Variants in RABL2A observed in about 807,000 individuals in gnomAD.
RABL2A encodes the protein rab-like protein 2A.
Under a neutral mutation model 30.7 loss-of-function variants are expected in RABL2A, and 17 were observed. The ratio of observed to expected loss-of-function variants is 0.55; its 90% confidence interval spans 0.38 to 0.83. The LOEUF is 0.83. Among genes scored for constraint, RABL2A ranks in the 40% least tolerant of loss-of-function variants. RABL2A has a pLI of 0.00. For missense variants in RABL2A, 155 were observed against 272.6 expected, an observed-to-expected ratio of 0.57 and a Z score of 3.04; for synonymous variants, 64 against 101.8, an observed-to-expected ratio of 0.63 and a Z score of 2.24.
In RABL2A at chr2:113,641,447, G is replaced by A. The variant is rs1410832350; in HGVS notation, c.504G>A (p.Val168=). The part of the protein sequence containing the change: ...FVSAADGTNV[V]KLFNDAIRLA... ...CGGCTGCTGATGGTACCAATGTTGT[G>A]AAGGTGTGGTTGACTGCAGAGGTAG... The change falls in exon 7 of 9, where the codon GTG becomes GTA. Residue 168 remains valine (V), a synonymous_variant. Coordinates refer to ENST00000683472, the MANE Select transcript of RABL2A (RefSeq NM_001306158.2). 6.2e-7 allele frequency: 1 copy of A among 1,612,444 alleles called. No individual in the cohort carries two copies. The highest frequency in any genetic ancestry group is 1.7e-5 in the Admixed American group (1 of 59,884).
At chr2:113,630,911 T>C (rs931163274) in intron 2 of RABL2A, among the ~76,000 whole-genome samples, 3 of 152,026 alleles carry the variant, frequency 2.0e-5, no homozygotes, top group Admixed American at 6.6e-5. Flanking sequence ...TTTTGGTTTT[T>C]TTTTGAGACA....
chr2:113,634,593 A>C (rs984243718), intron 4 of RABL2A: 44 of 420,902 alleles, frequency 1.0e-4, no homozygotes, highest in Non-Finnish European at 1.8e-4. Context: ...TTGAAAAAAT[A>C]AATGTGGTCA....
intron 5 of RABL2A, chr2:113,638,197 G>T (rs1487267842): frequency 1.0e-6 from 1 of 985,450 alleles, no homozygotes; most frequent in Non-Finnish European, 1.2e-6. Flanking sequence ...GGGAATTCAA[G>T]ACAACCTGGT....
At chr2:113,637,007 A>AAT (rs1559181693) in intron 5 of RABL2A, among the ~76,000 whole-genome samples, 12 of 139,822 alleles carry the variant, frequency 8.6e-5, no homozygotes, top group African/African-American at 3.2e-4. Context: ...TAAAAAAATA[A>AAT]AAAAATAAAG....
At chr2:113,637,300 C>G in intron 5 of RABL2A, 1 of 951,038 alleles carries the variant, frequency 1.1e-6, no homozygotes, top group Non-Finnish European at 1.3e-6. Flanking sequence ...ATTTTTCAGG[C>G]CCTGCTTCAA....
Position 113,637,324 on chromosome 2 carries a change from G to T in RABL2A, c.297+2194G>T, listed in dbSNP as rs533337853. 8.0e-6 allele frequency: 8 copies of T among 996,072 alleles called. No homozygotes were observed. The East Asian group carries it at 7.2e-4, about 89-fold the overall frequency. The allele number at this position is 996,072 out of a possible 1,614,324, so 61.7% of individuals were successfully genotyped here. On this transcript the variant is annotated intron_variant, in intron 5 of 8. Transcript: ENST00000683472. ...GCCCTGCTTCAATGCCACCACCTCC[G>T]TGCAGCCTCCTCTGATGTTTGTCAT... is the stretch of plus-strand genomic sequence containing the variant.
chr2:113,641,289 T>C (rs1182280854), intron 6 of RABL2A, 64 bp from the exon 7 acceptor site: 13 of 1,609,238 alleles, frequency 8.1e-6, no homozygotes, highest in Admixed American at 1.7e-5. Context: ...AGGCCTCCAG[T>C]GGCCCCCCCT....
At chr2:113,632,566 G>C (rs1241427101) in intron 2 of RABL2A, among the ~76,000 whole-genome samples, 2 of 152,208 alleles carry the variant, frequency 1.3e-5, no homozygotes, top group East Asian at 3.8e-4. Context: ...GCGCCCGACC[G>C]GGAAATGGCT....
intron 5 of RABL2A, chr2:113,637,374 C>T (rs1683312009): frequency 1.9e-6 from 2 of 1,028,690 alleles, no homozygotes; most frequent in African/African-American, 1.7e-5. Context: ...CGTGTGTGCT[C>T]CTGCACCACT....
chr2:113,634,279 A>G, intron 4 of RABL2A, 47 bp downstream of exon 4: 1 of 1,571,492 alleles, frequency 6.4e-7, no homozygotes. Context: ...GAAAGAGGAA[A>G]TGGGAGACGA....
chr2:113,636,467 G>C (rs1682773088), intron 5 of RABL2A, among the ~76,000 whole-genome samples: 1 of 152,208 alleles, frequency 6.6e-6, no homozygotes, highest in Non-Finnish European at 1.5e-5. Context: ...GGGCTGATTT[G>C]GGTTTGCTCA....
chr2:113,632,869 G>C, intron 2 of RABL2A, 46 bp from the exon 3 acceptor site: 1 of 1,614,066 alleles, frequency 6.2e-7, no homozygotes, highest in East Asian at 2.2e-5. Context: ...TGGGACAAGG[G>C]AGAGATGGAG....
chr2:113,637,141 GTCATC>G (rs1363966182), intron 5 of RABL2A, among the ~76,000 whole-genome samples: 3 of 152,230 alleles, frequency 2.0e-5, no homozygotes, highest in Non-Finnish European at 2.9e-5. Context: ...CTGAGTAGGT[GTCATC>G]TCATCTGTAA....
intron 2 of RABL2A, among the ~76,000 whole-genome samples, chr2:113,629,124 C>A (rs996823420): frequency 1.3e-5 from 2 of 148,982 alleles, no homozygotes; most frequent in Non-Finnish European, 3.0e-5. Context: ...GTAGAACTGA[C>A]GATTGACTAT....
At chr2:113,637,853 C>G (rs1186721615) in intron 5 of RABL2A, 18 of 1,269,994 alleles carry the variant, frequency 1.4e-5, no homozygotes, top group Non-Finnish European at 1.9e-5. Context: ...CCCTCAGACC[C>G]TCTTCTGAAG....
chr2:113,636,527 G>A (rs1682790131), intron 5 of RABL2A, among the ~76,000 whole-genome samples: 1 of 152,138 alleles, frequency 6.6e-6, no homozygotes, highest in Admixed American at 6.6e-5. Context: ...AGAACCCGGT[G>A]GGACTTATAT....
chr2:113,637,171 G>C (rs1683209534), intron 5 of RABL2A: 1 of 161,200 alleles, frequency 6.2e-6, no homozygotes, highest in Non-Finnish European at 1.3e-5. Context: ...CAATAGCAGA[G>C]GGGATGCAGA....
intron 5 of RABL2A, chr2:113,637,664 G>A (rs1683443096): frequency 7.8e-7 from 1 of 1,284,262 alleles, no homozygotes; most frequent in Admixed American, 2.4e-5. Flanking sequence ...CTAAACAAGA[G>A]GATAATGGGG....
At chr2:113,641,482 T>A (rs1224272561) in intron 7 of RABL2A, 32 bp downstream of exon 7, 2 of 1,610,654 alleles carry the variant, frequency 1.2e-6, no homozygotes, top group Non-Finnish European at 1.7e-6. Flanking sequence ...GCTAGCAAGG[T>A]CAGGGCGCTA....
Sources: allele counts gnomAD v4.1 joint callset (sites outside exome capture counted in the v4.1 genomes callset), GRCh38; gene constraint gnomAD v4.1.1; transcripts MANE v1.5; gene names NCBI Gene and HGNC (gene_info 2026-07-23, HGNC 2026-07-21).